The following ABCA1 variants were observed in gnomAD, a reference collection of about 807,000 sequenced individuals.
The protein encoded by ABCA1 is phospholipid-transporting ATPase ABCA1.
In ABCA1, 133 loss-of-function variants were observed where a neutral mutation model predicts 262.5. That is an observed-to-expected ratio of 0.51 (90% CI 0.44 to 0.59). The LOEUF (loss-of-function observed/expected upper bound fraction) is 0.59, where lower values mean the gene tolerates loss of function less well. Among genes scored for constraint, ABCA1 ranks in the 20% least tolerant of loss-of-function variants. The pLI is 0.00. For synonymous variants in ABCA1, 1,022 were observed against 1,043.5 expected (o/e 0.98, Z 0.40); for missense variants, 2,452 against 2,777.5 (o/e 0.88, Z 2.63).
At chr9:104,839,521 T>G (rs1834174124) in intron 9 of ABCA1, among the ~76,000 whole-genome samples, 1 of 152,032 alleles carries the variant, frequency 6.6e-6, no homozygotes. Flanking sequence ...ATGTTAGTTC[T>G]TTGTTGTTGT....
chr9:104,800,861 G>A (rs111650382), intron 34 of ABCA1, among the ~76,000 whole-genome samples: 43 of 152,184 alleles, frequency 2.8e-4, no homozygotes, highest in African/African-American at 7.9e-4. Flanking sequence ...TGGTTATCAC[G>A]GTGGGGTGAG....
At chr9:104,926,251 G>A (rs1826311543) in intron 1 of ABCA1, among the ~76,000 whole-genome samples, 1 of 152,030 alleles carries the variant, frequency 6.6e-6, no homozygotes, top group African/African-American at 2.4e-5. Flanking sequence ...AAAGCTAATG[G>A]TATCAGTGCT....
At chr9:104,838,307 A>G (rs1834013988) in intron 9 of ABCA1, among the ~76,000 whole-genome samples, 1 of 135,490 alleles carries the variant, frequency 7.4e-6, no homozygotes, top group Admixed American at 7.3e-5. Flanking sequence ...CTGTCTCCCA[A>G]AAAAAAAAAA....
intron 7 of ABCA1, among the ~76,000 whole-genome samples, chr9:104,849,486 T>C (rs1835191901): frequency 6.6e-6 from 1 of 152,246 alleles, no homozygotes; most frequent in South Asian, 2.1e-4. Context: ...GAATCATTTT[T>C]AAACTAGTTC....
At chr9:104,846,425 A>G (rs1380694777) in intron 7 of ABCA1, among the ~76,000 whole-genome samples, 2 of 152,248 alleles carry the variant, frequency 1.3e-5, no homozygotes, top group Admixed American at 1.3e-4. Context: ...ATTCAATATC[A>G]TATCAGACAT....
chr9:104,834,153 T>C (rs1373614958), intron 11 of ABCA1, among the ~76,000 whole-genome samples: 1 of 149,922 alleles, frequency 6.7e-6, no homozygotes, highest in African/African-American at 2.4e-5. Flanking sequence ...GTATAGAGTA[T>C]ATGTAATTTC....
At chr9:104,810,980 A>G in intron 28 of ABCA1, 56 bp from the exon 29 acceptor site, 1 of 1,612,524 alleles carries the variant, frequency 6.2e-7, no homozygotes, top group Non-Finnish European at 8.5e-7. Flanking sequence ...AAGTGTTAGA[A>G]ACAAGGCCAA....
chr9:104,849,124 A>C (rs535409836), intron 7 of ABCA1, among the ~76,000 whole-genome samples: 2 of 152,310 alleles, frequency 1.3e-5, no homozygotes, highest in East Asian at 3.9e-4. Context: ...TAGGACTTTT[A>C]GTTTAAATTT....
intron 5 of ABCA1, among the ~76,000 whole-genome samples, chr9:104,866,253 G>C (rs1837078439): frequency 6.6e-6 from 1 of 152,134 alleles, no homozygotes; most frequent in Non-Finnish European, 1.5e-5. Context: ...AAAAAGGAGG[G>C]GGTGAGGACA....
chr9:104,816,110 C>T (rs764861637), intron 25 of ABCA1, 33 bp downstream of exon 25: 33 of 1,611,796 alleles, frequency 2.0e-5, no homozygotes, highest in Non-Finnish European at 2.8e-5. Context: ...TTTGGCCTTG[C>T]TATATATTCC....
At position 104,783,301 on chromosome 9, in the gene ABCA1, T is replaced by C. The variant is rs1478522068; in HGVS notation, c.*1014A>G. 6.6e-6 allele frequency: 1 copy of C among 152,240 alleles called. No individual in the cohort carries two copies. Among genetic ancestry groups the C allele is most frequent in the Non-Finnish European group, 1.5e-5 (1 of 68,036 alleles). The allele number at this position is 152,240 out of a possible 1,614,324, so 9.4% of individuals were successfully genotyped here. A position where few individuals can be genotyped will look rare whatever the true frequency, so the allele number is the denominator to read the frequency against. Reference sequence around the variant, plus strand: ...AAAAGTACAAACATTTTTGTCAAAATACAACTCCATCTTTTCATTTTCTAG... The same window carrying C: ...AAAAGTACAAACATTTTTGTCAAAACACAACTCCATCTTTTCATTTTCTAG... On this transcript the variant is annotated 3_prime_UTR_variant, in exon 50 of 50. Transcript: ENST00000374736.
chr9:104,910,851 C>G (rs924707964), intron 1 of ABCA1, among the ~76,000 whole-genome samples: 1 of 152,006 alleles, frequency 6.6e-6, no homozygotes, highest in South Asian at 2.1e-4. Context: ...ATTACAGGTG[C>G]CCACCACCAA....
At chr9:104,887,257 A>C (rs552158689) in intron 3 of ABCA1, among the ~76,000 whole-genome samples, 185 of 151,920 alleles carry the variant, frequency 1.2e-3, no homozygotes, top group African/African-American at 4.4e-3. Flanking sequence ...CAGTCTGGGC[A>C]ACAGAGCAAG....
rs193127861 is a variant in ABCA1, at chr9:104,843,835, G to T, written c.813+1642C>A. Among the ~76,000 whole-genome samples, 13 of 152,290 alleles carry T rather than the reference G, an allele frequency of 8.5e-5. No individual in the cohort carries two copies. In the East Asian group the frequency reaches 2.5e-3, roughly 29 times the overall value. On this transcript the variant is annotated intron_variant, in intron 8 of 49. Transcript: ENST00000374736. ...TCACAGAAATAGCAAGTCAGACAATGAGTAACTTTTGATCAAAGGGATCTG... is the reference window on the plus strand; with the variant it reads ...TCACAGAAATAGCAAGTCAGACAATTAGTAACTTTTGATCAAAGGGATCTG...
chr9:104,820,000 C>T lies in ABCA1; in HGVS notation c.3030G>A (p.Ala1010=), dbSNP rs561878562. The part of the protein sequence containing the change: ...LKGLSEKHVK[A]EMEQMALDVG... ...CATCCAGGGCCATCTGCTCCATCTC[C>T]GCCTTCACGTGCTTCTCAGAGAGCC... Residue 1010 remains alanine (A), a synonymous_variant, in exon 21 of 50, where the codon GCG becomes GCA. Coordinates refer to ENST00000374736, the MANE Select transcript of ABCA1 (RefSeq NM_005502.4). 42 of 1,614,090 alleles carry T rather than the reference C, an allele frequency of 2.6e-5. No individual in the cohort carries two copies. The highest frequency in any genetic ancestry group is 5.0e-5 in the Admixed American group (3 of 60,016).
intron 15 of ABCA1, among the ~76,000 whole-genome samples, chr9:104,828,257 GTGAT>G (rs1219357196): frequency 6.6e-6 from 1 of 152,174 alleles, no homozygotes; most frequent in East Asian, 1.9e-4. Flanking sequence ...CCCACATCCA[GTGAT>G]TGATTGAGAG....
intron 18 of ABCA1, among the ~76,000 whole-genome samples, chr9:104,824,050 C>T (rs935664694): frequency 3.9e-5 from 6 of 152,186 alleles, no homozygotes; most frequent in Non-Finnish European, 2.9e-5. Flanking sequence ...ATAGGCTGAG[C>T]TCTGTGGTAG....
chr9:104,849,566 C>T (rs1418224843), intron 7 of ABCA1, among the ~76,000 whole-genome samples: 1 of 152,186 alleles, frequency 6.6e-6, no homozygotes, highest in Non-Finnish European at 1.5e-5. Flanking sequence ...AAACAAATTT[C>T]CATTTTCAAA....
intron 5 of ABCA1, among the ~76,000 whole-genome samples, chr9:104,872,689 C>T (rs1369607936): frequency 6.6e-6 from 1 of 152,164 alleles, no homozygotes; most frequent in African/African-American, 2.4e-5. Flanking sequence ...CCTTTTGGTG[C>T]CTCAATGCAA....
Sources: gnomAD v4.1 joint callset for allele counts (sites outside exome capture counted in the v4.1 genomes callset) on GRCh38, gnomAD v4.1.1 for gene constraint, MANE v1.5 for transcripts, NCBI Gene and HGNC (gene_info 2026-07-23, HGNC 2026-07-21) for gene names.